The following NEMF variants were observed in gnomAD, a reference collection of about 807,000 sequenced individuals.
NEMF encodes the protein ribosome quality control complex subunit NEMF.
NEMF carries 89 observed loss-of-function variants against 162.2 expected under a neutral mutation model. The observed-to-expected ratio is 0.55, with a 90% confidence interval of 0.46 to 0.65. The LOEUF (loss-of-function observed/expected upper bound fraction) is 0.65, where lower values mean the gene tolerates loss of function less well. NEMF is among the 30% of genes least tolerant of loss of function. NEMF has a pLI of 0.00. For synonymous variants in NEMF, 421 were observed against 404.5 expected, an observed-to-expected ratio of 1.04 and a Z score of -0.49; for missense variants, 1,133 against 1,261.9, an observed-to-expected ratio of 0.90 and a Z score of 1.55.
At chr14:49,846,723 C>A (rs1488609194) in intron 3 of NEMF, among the ~76,000 whole-genome samples, 1 of 152,218 alleles carries the variant, frequency 6.6e-6, no homozygotes, top group Non-Finnish European at 1.5e-5. Flanking sequence ...CCTTGGCCTC[C>A]CAAAGTGCTG....
At position 49,822,452 on chromosome 14, in the gene NEMF, T is replaced by C. The variant is rs369892504; in HGVS notation, c.1577+3415A>G. 2.2e-4 allele frequency among the ~76,000 whole-genome samples: 32 copies of C among 147,398 alleles called. No homozygotes were observed. The East Asian group carries it at 6.2e-3, about 28-fold the overall frequency. On this transcript the variant is annotated intron_variant, in intron 16 of 32. Transcript: ENST00000298310. ...AGGAGAATCCCTTGAGCCTGGGAGG[T>C]GAAGGTTGCAGTGAGCCAAGATCGC... is the stretch of plus-strand genomic sequence containing the variant.
At position 49,829,393 on chromosome 14, in the gene NEMF, G is replaced by A. The variant is rs756145153; in HGVS notation, c.979C>T (p.Arg327Ter). 33 of 1,613,872 alleles carry A rather than the reference G, an allele frequency of 2.0e-5. No individual in the cohort carries two copies. The highest frequency in any genetic ancestry group is 1.1e-5 in the South Asian group (1 of 91,068). Residue 327 changes from arginine to a stop codon, truncating the protein, a stop_gained, in exon 12 of 33, where the codon CGA becomes TGA. Coordinates refer to ENST00000298310, the MANE Select transcript of NEMF (RefSeq NM_004713.6). LOFTEE classifies it high-confidence loss of function. ...KQALKKLDNV[R>*]KDHENRLEAL... The stretch of plus-strand genomic sequence containing the variant: ...TCCAATCTGTTTTCGTGATCCTTTC[G>A]AACATTATCTAATTTCTTCAATGCT...
At chr14:49,789,458 GA>G in intron 27 of NEMF, 37 bp downstream of exon 27, 1 of 1,609,238 alleles carries the variant, frequency 6.2e-7, no homozygotes, top group Non-Finnish European at 8.5e-7. Flanking sequence ...ATGCCCATTT[GA>G]AAAGCAAAAG....
rs1205430001 is a variant in NEMF, at chr14:49,782,721, A to G, written c.*1915T>C. The stretch of plus-strand genomic sequence containing the variant: ...AACTTCATTGCTATAACCAGTTCCT[A>G]TGAAAATCTTTGAAGAAAGAAAGAG... On this transcript the variant is annotated 3_prime_UTR_variant, in exon 33 of 33. Transcript: ENST00000298310. The G allele has an allele frequency of 1.1e-5, 15 of 1,423,392 alleles. No homozygotes were observed. The highest frequency in any genetic ancestry group is 1.3e-5 in the Non-Finnish European group (14 of 1,042,514). The allele number at this position is 1,423,392 out of a possible 1,614,324, so 88.2% of individuals were successfully genotyped here. A position where few individuals can be genotyped will look rare whatever the true frequency, so the allele number is the denominator to read the frequency against.
Position 49,833,443 on chromosome 14 carries a change from T to G in NEMF, c.715A>C (p.Thr239Pro), listed in dbSNP as rs772235153. ...GCTACCTTCCCACTGAAGTTGGATG[T>G]TGTTTTCATATAGTCTTCTGCTTTC... ...LQKAEDYMKT[T>P]SNFSGKGYII... Residue 239 changes from threonine to proline, a missense_variant, in exon 8 of 33, where the codon ACA becomes CCA. Thr to Pro is a conservative substitution (Grantham distance 38). Transcript: ENST00000298310. 1 of 1,586,226 alleles carries G rather than the reference T, an allele frequency of 6.3e-7. No homozygotes were observed. The highest frequency in any genetic ancestry group is 1.3e-5 in the African/African-American group (1 of 74,596).
At chr14:49,791,363 C>G (rs527647598) in intron 26 of NEMF, among the ~76,000 whole-genome samples, 3 of 152,172 alleles carry the variant, frequency 2.0e-5, no homozygotes, top group African/African-American at 7.2e-5. Context: ...GGCAAGCAAG[C>G]ATGAGCCTTC....
chr14:49,843,441 C>T (rs1893314881), intron 4 of NEMF, among the ~76,000 whole-genome samples: 1 of 152,098 alleles, frequency 6.6e-6, no homozygotes, highest in African/African-American at 2.4e-5. Flanking sequence ...TTGCAGTAAG[C>T]CCTGATCATG....
intron 16 of NEMF, among the ~76,000 whole-genome samples, chr14:49,819,747 G>A (rs1330804855): frequency 6.6e-6 from 1 of 152,134 alleles, no homozygotes; most frequent in East Asian, 1.9e-4. Context: ...TTGTGAAAAG[G>A]AGAGAGTTCT....
At chr14:49,852,289 G>T (rs3100888) in intron 1 of NEMF, among the ~76,000 whole-genome samples, 118,531 of 152,168 alleles carry the variant, frequency 0.78, 46,601 homozygotes, top group East Asian at 0.98. Flanking sequence ...AGCTAAAACC[G>T]CGATGCTCTC....
At chr14:49,803,671 A>G (rs1266076111) in intron 19 of NEMF, among the ~76,000 whole-genome samples, 2 of 151,918 alleles carry the variant, frequency 1.3e-5, no homozygotes, top group Non-Finnish European at 2.9e-5. Flanking sequence ...GACTACAGGC[A>G]CGCACCACCA....
chr14:49,793,099 C>G (rs548943132), intron 26 of NEMF, among the ~76,000 whole-genome samples: 1 of 152,034 alleles, frequency 6.6e-6, no homozygotes, highest in Non-Finnish European at 1.5e-5. Flanking sequence ...GGAAACATCC[C>G]GCAATGATAA....
chr14:49,799,697 G>A lies in NEMF; in HGVS notation c.2373-19C>T. The stretch of plus-strand genomic sequence containing the variant: ...GATGGACCTATGAAAATAAACACAA[G>A]GGAGTCTCTACTAGCCTGTAAAAGA... On this transcript the variant is annotated intron_variant, in intron 23 of 32. Transcript: ENST00000298310. The A allele has an allele frequency of 6.2e-7, 1 of 1,602,424 alleles. No individual in the cohort carries two copies. Among genetic ancestry groups the A allele is most frequent in the Non-Finnish European group, 8.5e-7 (1 of 1,172,572 alleles).
chr14:49,821,100 G>A lies in NEMF; in HGVS notation c.1577+4767C>T, dbSNP rs866926095. ...CGACCCCGTCTGGGAGGTGAGGAGC[G>A]TCTCTGCCCGGCCGCCCCGTCTGAG... On this transcript the variant is annotated intron_variant, in intron 16 of 32. Transcript: ENST00000298310. Among the ~76,000 whole-genome samples, 103 of 13,934 alleles carry A rather than the reference G, an allele frequency of 7.4e-3. 39 individuals carry two copies. The highest frequency in any genetic ancestry group is 7.5e-3 in the African/African-American group (97 of 12,928). The allele number at this position is 13,934 out of a possible 152,430, so 9.1% of individuals were successfully genotyped here.
At chr14:49,806,232 G>GTGTGTGTATATATA (rs33975647) in intron 18 of NEMF, 99 bp from the exon 19 acceptor site, 1 of 36,252 alleles carries the variant, frequency 2.8e-5, no homozygotes, top group Non-Finnish European at 5.1e-5. Flanking sequence ...AATGATATGT[G>GTGTGTGTATATATA]TATATATATA....
intron 26 of NEMF, among the ~76,000 whole-genome samples, chr14:49,792,929 C>T (rs991110239): frequency 2.0e-5 from 3 of 152,044 alleles, no homozygotes; most frequent in African/African-American, 4.8e-5. Context: ...TGCAGTGAGC[C>T]ATAACCACAC....
chr14:49,799,379 A>AC, intron 25 of NEMF, 96 bp downstream of exon 25: 1 of 939,762 alleles, frequency 1.1e-6, no homozygotes, highest in African/African-American at 1.8e-5. Flanking sequence ...TAATGAAGGA[A>AC]GTCTTTAAAC....
intron 28 of NEMF, among the ~76,000 whole-genome samples, chr14:49,788,548 TTCTCTC>T (rs200976130): frequency 7.6e-6 from 1 of 132,254 alleles, no homozygotes; most frequent in Non-Finnish European, 1.6e-5. Context: ...AATCCCAATT[TTCTCTC>T]TCTCTTTTTT....
intron 18 of NEMF, among the ~76,000 whole-genome samples, chr14:49,813,355 T>A (rs901751510): frequency 6.6e-6 from 1 of 152,234 alleles, no homozygotes; most frequent in Admixed American, 6.5e-5. Context: ...GCATTTCAGA[T>A]AGGATACTCA....
rs899876276 is a variant in NEMF at position 49,807,810 on chromosome 14, G to A, written c.1745-1677C>T. ...CTAGGGATGGGGTTTCACTATACTG[G>A]CCAGGCTGGTCTCAAACTCCTGACC... On this transcript the variant is annotated intron_variant, in intron 18 of 32. Coordinates refer to ENST00000298310, the MANE Select transcript of NEMF (RefSeq NM_004713.6). Among the ~76,000 whole-genome samples, 4 of 151,654 alleles carry A rather than the reference G, an allele frequency of 2.6e-5. No homozygotes were observed. The East Asian group carries it at 7.7e-4, about 29-fold the overall frequency.
Sources: allele counts gnomAD v4.1 joint callset (sites outside exome capture counted in the v4.1 genomes callset), GRCh38; gene constraint gnomAD v4.1.1; transcripts MANE v1.5; gene names NCBI Gene and HGNC (gene_info 2026-07-23, HGNC 2026-07-21).